COQ8B: variants seen among roughly 807,000 people sequenced by gnomAD.
The protein encoded by COQ8B is atypical kinase COQ8B, mitochondrial.
In COQ8B, 44 loss-of-function variants were observed where a neutral mutation model predicts 62.0. That is an observed-to-expected ratio of 0.71 (90% CI 0.56 to 0.91). The LOEUF is 0.91. Among genes scored for constraint, COQ8B ranks in the 40% least tolerant of loss-of-function variants. The pLI is 0.00. For synonymous variants in COQ8B, 252 were observed against 289.9 expected, an observed-to-expected ratio of 0.87 and a Z score of 1.33; for missense variants, 649 against 731.6, an observed-to-expected ratio of 0.89 and a Z score of 1.30.
At position 40,710,079 on chromosome 19, in the gene COQ8B, G is replaced by A; in HGVS notation, c.347C>T (p.Pro116Leu). ...VLAEMAKKSM[P>L]GGRLQSEGGS... ...CTCACCTGACTGCAGACGACCTCCT[G>A]GCATGGACTTCTTAGCCATCTCGGC... Residue 116 changes from proline (P) to leucine (L), a missense_variant, in exon 5 of 15, where the codon CCA becomes CTA. Coordinates refer to ENST00000324464, the MANE Select transcript of COQ8B (RefSeq NM_024876.4). 1.9e-6 allele frequency: 3 copies of A among 1,613,906 alleles called. No individual in the cohort carries two copies. Among genetic ancestry groups the A allele is most frequent in the Non-Finnish European group, 2.5e-6 (3 of 1,179,864 alleles).
chr19:40,703,746 C>T lies in COQ8B; in HGVS notation c.686G>A (p.Arg229Lys). Residue 229 changes from arginine to lysine, a missense_variant, in exon 8 of 15, where the codon AGG becomes AAG. Arg to Lys is a conservative substitution (Grantham distance 26). Coordinates refer to ENST00000324464, the MANE Select transcript of COQ8B (RefSeq NM_024876.4). ...CTTCACGGCCACCTCCGTCCCGTCC[C>T]TCAGCAGGCCCTGGTGCACCTGCCC... Reference protein sequence around the residue: ...SIGQVHQGLLRDGTEVAVKIQ... With the variant: ...SIGQVHQGLLKDGTEVAVKIQ... The T allele has an allele frequency of 6.2e-7, 1 of 1,614,104 alleles. No homozygotes were observed. Among genetic ancestry groups the T allele is most frequent in the Non-Finnish European group, 8.5e-7 (1 of 1,180,018 alleles).
At chr19:40,698,716 G>A (rs985490835) in intron 12 of COQ8B, among the ~76,000 whole-genome samples, 1 of 152,158 alleles carries the variant, frequency 6.6e-6, no homozygotes. Flanking sequence ...GCCACAGGAT[G>A]CTCAGCAAAG....
chr19:40,710,587 G>A (rs1455844697), intron 4 of COQ8B, among the ~76,000 whole-genome samples: 2 of 152,120 alleles, frequency 1.3e-5, no homozygotes, highest in Non-Finnish European at 2.9e-5. Flanking sequence ...TTCCAAATCA[G>A]TCTCTGACTC....
intron 13 of COQ8B, 113 bp downstream of exon 13, chr19:40,695,876 T>G: frequency 9.4e-7 from 1 of 1,069,476 alleles, no homozygotes; most frequent in Non-Finnish European, 1.4e-6. Flanking sequence ...AGTATTACTA[T>G]TATTTATTAT....
intron 12 of COQ8B, among the ~76,000 whole-genome samples, chr19:40,699,448 C>T (rs1236695706): frequency 4.0e-5 from 6 of 151,872 alleles, no homozygotes; most frequent in Non-Finnish European, 7.4e-5. Context: ...GTGGTTGGTA[C>T]GAACCACTCT....
chr19:40,714,455 G>T (rs2082168801), intron 2 of COQ8B, 58 bp from the exon 3 acceptor site: 1 of 1,612,958 alleles, frequency 6.2e-7, no homozygotes, highest in African/African-American at 1.3e-5. Context: ...GGCCCTTCTG[G>T]ACCCCTCCTG....
intron 1 of COQ8B, chr19:40,715,057 T>G: frequency 5.1e-6 from 5 of 974,892 alleles, no homozygotes; most frequent in Non-Finnish European, 6.0e-6. Flanking sequence ...AAGCACCCAC[T>G]GCTCTCAGCC....
chr19:40,716,367 C>T (rs1374013192), intron 1 of COQ8B, among the ~76,000 whole-genome samples: 1 of 152,164 alleles, frequency 6.6e-6, no homozygotes, highest in Admixed American at 6.5e-5. Flanking sequence ...CTACAACTGA[C>T]AGTGCCAGGC....
In COQ8B at chr19:40,714,070, C is replaced by A. The variant is rs542035392; in HGVS notation, c.286G>T (p.Gly96Trp). ...ASRISRLANF[G>W]GLAVGLGLGV... ...GATCCCCCAAAGTCACACCTACCCC[C>A]AAAGTTGGCCAAGCGGCTGATGCGG... Residue 96 changes from glycine to tryptophan, a missense_variant, in exon 4 of 15, where the codon GGG becomes TGG. Gly to Trp is a radical substitution (Grantham distance 184). Transcript: ENST00000324464. 1 of 1,614,082 alleles carries A rather than the reference C, an allele frequency of 6.2e-7. No homozygotes were observed. The highest frequency in any genetic ancestry group is 1.7e-5 in the Admixed American group (1 of 60,014).
chr19:40,697,875 G>GAGAGAGAGAGAGAGAGAAAGAGAGAGAC (rs58313890), intron 12 of COQ8B, among the ~76,000 whole-genome samples: 40 of 103,434 alleles, frequency 3.9e-4, no homozygotes, highest in African/African-American at 1.3e-3. Flanking sequence ...GAGAGAGAGA[G>GAGAGAGAGAGAGAGAGAAAGAGAGAGAC]AGTTTCTACT....
chr19:40,698,156 C>T (rs1451030891), intron 12 of COQ8B, among the ~76,000 whole-genome samples: 4 of 149,290 alleles, frequency 2.7e-5, no homozygotes, highest in Non-Finnish European at 5.9e-5. Context: ...GCGGAGGGTG[C>T]AGTGAGCCGA....
In COQ8B at chr19:40,692,511, C is replaced by G. The variant is rs903498725; in HGVS notation, c.1297-138G>C. Reference sequence around the variant, plus strand: ...AAGCCCCGACTCCCCCAAGAGTGAGCAGCTTCCACTCCTTCCAGAGCCTGG... The same window carrying G: ...AAGCCCCGACTCCCCCAAGAGTGAGGAGCTTCCACTCCTTCCAGAGCCTGG... On this transcript the variant is annotated intron_variant, in intron 14 of 14. Coordinates refer to ENST00000324464, the MANE Select transcript of COQ8B (RefSeq NM_024876.4). 6.8e-6 allele frequency: 5 copies of G among 731,810 alleles called. No individual in the cohort carries two copies. The African/African-American group carries it at 8.9e-5, about 13-fold the overall frequency. The allele number at this position is 731,810 out of a possible 1,614,324, so 45.3% of individuals were successfully genotyped here.
chr19:40,697,739 T>C (rs1322396452), intron 12 of COQ8B, among the ~76,000 whole-genome samples: 2 of 149,356 alleles, frequency 1.3e-5, no homozygotes, highest in Non-Finnish European at 3.0e-5. Context: ...GAGGTTGCAG[T>C]GAGTCGAGAT....
rs757644020 is a variant in COQ8B, at chr19:40,705,366, C to G, written c.449G>C (p.Arg150Pro). Residue 150 changes from arginine (R) to proline (P), a missense_variant, in exon 6 of 15, where the codon CGA becomes CCA. Arg to Pro is a moderately radical substitution (Grantham distance 103). Transcript: ENST00000324464. ...CTGGCCAACCTTGAGGGCGGCCCCT[C>G]GAACTGTACATAAGGTCTGCACAAT... ...ERIVQTLCTV[R>P]GAALKVGQML... The G allele has an allele frequency of 2.5e-6, 4 of 1,599,954 alleles. No individual in the cohort carries two copies. Among genetic ancestry groups the G allele is most frequent in the Non-Finnish European group, 3.4e-6 (4 of 1,168,594 alleles).
At chr19:40,714,681 T>C in intron 1 of COQ8B, 46 bp from the exon 2 acceptor site, 1 of 1,493,714 alleles carries the variant, frequency 6.7e-7, no homozygotes. Context: ...TTGCCTGGCT[T>C]CTTGGCCAGG....
intron 9 of COQ8B, 152 bp from the exon 10 acceptor site, chr19:40,702,845 A>T (rs2082071215): frequency 2.8e-6 from 2 of 704,568 alleles, no homozygotes; most frequent in Non-Finnish European, 2.5e-6. Context: ...CCTGTCTCCC[A>T]CGCAGCTCCT....
At chr19:40,698,457 G>A (rs933762924) in intron 12 of COQ8B, among the ~76,000 whole-genome samples, 7 of 151,424 alleles carry the variant, frequency 4.6e-5, no homozygotes, top group African/African-American at 7.3e-5. Context: ...AGAATTTCTC[G>A]AACCCCAGAG....
At position 40,692,349 on chromosome 19, in the gene COQ8B, C is replaced by A; in HGVS notation, c.1321G>T (p.Ala441Ser). 1 of 1,613,562 alleles carries A rather than the reference C, an allele frequency of 6.2e-7. No individual in the cohort carries two copies. The highest frequency in any genetic ancestry group is 8.5e-7 in the Non-Finnish European group (1 of 1,179,840). ...TKAFSDAHVE[A>S]VMILGEPFAT... ...AAAGGCTCCCCCAGGATCATCACTGCCTCCACGTGGGCGTCGGAGAATGCC... is the reference window on the plus strand; with the variant it reads ...AAAGGCTCCCCCAGGATCATCACTGACTCCACGTGGGCGTCGGAGAATGCC... Residue 441 changes from alanine to serine, a missense_variant, in exon 15 of 15, where the codon GCA (alanine) becomes TCA (serine). Ala to Ser is a moderately conservative substitution (Grantham distance 99). Transcript: ENST00000324464.
In COQ8B at chr19:40,703,773, A is replaced by G; in HGVS notation, c.659T>C (p.Ile220Thr). Residue 220 changes from isoleucine to threonine, a missense_variant, in exon 8 of 15, where the codon ATT becomes ACT. Physicochemically the swap from Ile to Thr is moderately conservative, Grantham distance 89. Transcript: ENST00000324464. ...CAGCAGGCCCTGGTGCACCTGCCCA[A>G]TTGAGGCAGCGGCAAAGGGCACCTC... Reference protein sequence around the residue: ...LEEVPFAAASIGQVHQGLLRD... With the variant: ...LEEVPFAAASTGQVHQGLLRD... 1 of 1,614,060 alleles carries G rather than the reference A, an allele frequency of 6.2e-7. No homozygotes were observed.
Sources: gnomAD v4.1 joint callset for allele counts (sites outside exome capture counted in the v4.1 genomes callset) on GRCh38, gnomAD v4.1.1 for gene constraint, MANE v1.5 for transcripts, NCBI Gene and HGNC (gene_info 2026-07-23, HGNC 2026-07-21) for gene names.